YLPM1: variants seen among roughly 807,000 people sequenced by gnomAD.
YLPM1 encodes YLP motif containing 1, also known as YLP motif-containing protein 1.
YLPM1 carries 99 observed loss-of-function variants against 230.0 expected under a neutral mutation model. The observed-to-expected ratio is 0.43, with a 90% confidence interval of 0.37 to 0.51. The LOEUF (loss-of-function observed/expected upper bound fraction) is 0.51, where lower values mean the gene tolerates loss of function less well. Ranked by LOEUF, YLPM1 falls within the 20% of genes least tolerant of loss-of-function variation. The probability of loss-of-function intolerance (pLI) is 0.00; values close to 1 mark genes in which losing one functional copy is unlikely to be tolerated. For missense variants in YLPM1, 2,592 were observed against 2,707.7 expected (o/e 0.96, Z 0.95); for synonymous variants, 984 against 942.5 (o/e 1.04, Z -0.81).
rs1262307488 is a variant in YLPM1, at chr14:74,781,576, G to A, written c.1533G>A (p.Met511Ile). 6.2e-7 allele frequency: 1 copy of A among 1,613,954 alleles called. No individual in the cohort carries two copies. Among genetic ancestry groups the A allele is most frequent in the Non-Finnish European group, 8.5e-7 (1 of 1,179,900 alleles). ...TTCAGAACATGAAGAACCAGTATAT[G>A]GGGAACATGTCAATGCCACCTCCTT... ...NSFQNMKNQY[M>I]GNMSMPPPFV... The change falls in exon 4 of 21, where the codon ATG becomes ATA. Residue 511 changes from methionine to isoleucine, a missense_variant. Around this residue, in one of 4 missense-constraint regions of YLPM1, gnomAD observed 1,862 missense variants for 1,819.8 expected, o/e 1.02. Coordinates refer to ENST00000325680, the MANE Select transcript of YLPM1 (RefSeq NM_019589.3).
intron 5 of YLPM1, among the ~76,000 whole-genome samples, chr14:74,801,931 A>G (rs144049410): frequency 0.011 from 1,751 of 152,272 alleles, 36 homozygotes; most frequent in African/African-American, 0.039. Flanking sequence ...AGTTGAAAAA[A>G]ATAGGCCGGG....
chr14:74,766,884 T>C (rs1375346780), intron 1 of YLPM1, among the ~76,000 whole-genome samples: 4 of 137,032 alleles, frequency 2.9e-5, no homozygotes, highest in African/African-American at 8.2e-5. Flanking sequence ...AGACCTTTTC[T>C]TTTTTTTTTT....
At chr14:74,796,016 ATTTTCACTC>A (rs1420951369) in intron 4 of YLPM1, among the ~76,000 whole-genome samples, 2 of 152,150 alleles carry the variant, frequency 1.3e-5, no homozygotes, top group Non-Finnish European at 2.9e-5. Context: ...TGTGCAAATC[ATTTTCACTC>A]TCAGCTCCTT....
rs773591965 is a variant in YLPM1, at chr14:74,764,301, A to G, written c.812A>G (p.Asn271Ser). The G allele has an allele frequency of 6.8e-6, 11 of 1,613,634 alleles. No homozygotes were observed. The East Asian group carries it at 1.1e-4, about 16-fold the overall frequency. ...GAGCCTTTGGAGAGTGGGGCCAAAA[A>G]CAAGAGTACTGAACAGCAGCAAGCC... is the stretch of plus-strand genomic sequence containing the variant. ...QQEPLESGAKNKSTEQQQAAP... is the reference protein window; with the variant it reads ...QQEPLESGAKSKSTEQQQAAP... The change falls in exon 1 of 21, where the codon AAC becomes AGC. Residue 271 changes from asparagine to serine, a missense_variant. Around this residue, in one of 4 missense-constraint regions of YLPM1, gnomAD observed 1,862 missense variants for 1,819.8 expected, o/e 1.02. Coordinates refer to ENST00000325680, the MANE Select transcript of YLPM1 (RefSeq NM_019589.3).
rs560524592 is a variant in YLPM1, at chr14:74,803,885, C to T, written c.4521+1209C>T. ...AGATAAAAAAATTCTCGGCCAGGCG[C>T]GGTGGCTCACACCTGTAATCCCAGC... On this transcript the variant is annotated intron_variant, in intron 6 of 20. Coordinates refer to ENST00000325680, the MANE Select transcript of YLPM1 (RefSeq NM_019589.3). 5.8e-4 allele frequency among the ~76,000 whole-genome samples: 89 copies of T among 152,250 alleles called. 1 individual carries two copies. Among genetic ancestry groups the T allele is most frequent in the Admixed American group, 1.5e-3 (23 of 15,294 alleles).
chr14:74,825,428 A>T (rs1302754393), intron 18 of YLPM1, among the ~76,000 whole-genome samples: 1 of 152,094 alleles, frequency 6.6e-6, no homozygotes, highest in African/African-American at 2.4e-5. Context: ...TGTGAAAATT[A>T]TATGTGGTTT....
intron 4 of YLPM1, among the ~76,000 whole-genome samples, chr14:74,793,140 TTTTG>T (rs1307197034): frequency 1.3e-5 from 2 of 152,186 alleles, no homozygotes; most frequent in Non-Finnish European, 2.9e-5. Flanking sequence ...TTTCAGTGTT[TTTTG>T]TTTGCTTATT....
At chr14:74,794,163 C>A (rs1268432709) in intron 4 of YLPM1, among the ~76,000 whole-genome samples, 2 of 152,070 alleles carry the variant, frequency 1.3e-5, no homozygotes, top group African/African-American at 2.4e-5. Flanking sequence ...GAGCTAAACT[C>A]CATTTCCCAA....
intron 5 of YLPM1, 64 bp downstream of exon 5, chr14:74,799,761 GTGATA>G: frequency 2.0e-6 from 3 of 1,478,816 alleles, no homozygotes; most frequent in Non-Finnish European, 2.7e-6. Context: ...TCTTTTTAAA[GTGATA>G]TGATATATTT....
At chr14:74,817,383 AT>A in intron 15 of YLPM1, 106 bp downstream of exon 15, 1 of 1,034,414 alleles carries the variant, frequency 9.7e-7, no homozygotes, top group Non-Finnish European at 1.4e-6. Flanking sequence ...ATTATAATGT[AT>A]TTTTATTGTA....
Position 74,788,256 on chromosome 14 carries a change from A to C in YLPM1, c.2282+5931A>C, listed in dbSNP as rs530586180. On this transcript the variant is annotated intron_variant, in intron 4 of 20. Coordinates refer to ENST00000325680, the MANE Select transcript of YLPM1 (RefSeq NM_019589.3). ...CTGCTTCAGCCTCCCAAGTAGCTGG[A>C]ACTACAGGTGCCCACCGCCACGCCT... 1.3e-4 allele frequency among the ~76,000 whole-genome samples: 19 copies of C among 151,984 alleles called. No homozygotes were observed. In the South Asian group the frequency reaches 3.5e-3, roughly 28 times the overall value.
At chr14:74,772,671 C>G (rs1272103399) in intron 1 of YLPM1, among the ~76,000 whole-genome samples, 1 of 152,002 alleles carries the variant, frequency 6.6e-6, no homozygotes, top group African/African-American at 2.4e-5. Flanking sequence ...GTTCTACATT[C>G]TTTATGTTTG....
chr14:74,835,726 C>T (rs957487840), intron 20 of YLPM1, 49 bp from the exon 21 acceptor site: 3 of 415,468 alleles, frequency 7.2e-6, no homozygotes, highest in Non-Finnish European at 1.4e-5. Flanking sequence ...GGCTACTGAA[C>T]TTTTTGCCTG....
At chr14:74,772,647 G>A (rs377227923) in intron 1 of YLPM1, among the ~76,000 whole-genome samples, 15 of 151,982 alleles carry the variant, frequency 9.9e-5, no homozygotes, top group Non-Finnish European at 1.5e-4. Flanking sequence ...GTGAGCCACC[G>A]CACCCAGCCA....
intron 18 of YLPM1, among the ~76,000 whole-genome samples, chr14:74,824,559 A>T (rs1217858028): frequency 2.6e-5 from 4 of 152,130 alleles, no homozygotes; most frequent in African/African-American, 9.7e-5. Context: ...TTAGCAACAA[A>T]ATATTGTCAC....
intron 16 of YLPM1, among the ~76,000 whole-genome samples, chr14:74,820,319 AG>A (rs1185891302): frequency 6.6e-6 from 1 of 152,120 alleles, no homozygotes; most frequent in Non-Finnish European, 1.5e-5. Context: ...GCATGATCAT[AG>A]CTCATTGCTG....
In YLPM1 at chr14:74,811,755, T is replaced by C. The variant is rs200723145; in HGVS notation, c.5347+17T>C. ...TGTTTGGAGGTAGAGTGATGCCTTA[T>C]TAACTACAAGGATGTTGAGAATGTA... On this transcript the variant is annotated intron_variant, in intron 10 of 20. Transcript: ENST00000325680. 2.5e-5 allele frequency: 38 copies of C among 1,513,542 alleles called. No homozygotes were observed. The African/African-American group carries it at 4.4e-4, about 17-fold the overall frequency. The allele number at this position is 1,513,542 out of a possible 1,614,324, so 93.8% of individuals were successfully genotyped here.
intron 17 of YLPM1, chr14:74,822,163 A>C (rs146957683): frequency 6.6e-6 from 1 of 152,076 alleles, no homozygotes; most frequent in Non-Finnish European, 1.5e-5. Flanking sequence ...AGTTTTCTTA[A>C]GTTGTATTTT....
In YLPM1 at chr14:74,778,479, G is replaced by T. The variant is rs2091063055; in HGVS notation, c.906G>T (p.Leu302Phe). The T allele has an allele frequency of 1.9e-6, 3 of 1,607,100 alleles. No homozygotes were observed. Among genetic ancestry groups the T allele is most frequent in the Admixed American group, 3.4e-5 (2 of 58,928 alleles). Residue 302 changes from leucine to phenylalanine, a missense_variant, in exon 2 of 21, where the codon TTG (leucine) becomes TTT (phenylalanine). By Grantham distance (22) the Leu-to-Phe change is conservative. Around this residue, in one of 4 missense-constraint regions of YLPM1, gnomAD observed 1,862 missense variants for 1,819.8 expected, o/e 1.02. Transcript: ENST00000325680. ...EQQQYWYRQHLLSLQQRTKVH... is the reference protein window; with the variant it reads ...EQQQYWYRQHFLSLQQRTKVH... ...AGCAGTATTGGTATCGACAGCACTT[G>T]CTTAGTTTGCAACAGAGGACAAAAG...
Sources: gnomAD v4.1 joint callset for allele counts (sites outside exome capture counted in the v4.1 genomes callset) on GRCh38, gnomAD v4.1.1 for gene constraint, gnomAD v4.1.1 regional missense constraint, MANE v1.5 for transcripts, NCBI Gene and HGNC (gene_info 2026-07-23, HGNC 2026-07-21) for gene names.